Variants in BIRC6 observed in about 807,000 individuals in gnomAD.
The protein encoded by BIRC6 is baculoviral IAP repeat containing 6.
BIRC6 carries 98 observed loss-of-function variants against 503.3 expected under a neutral mutation model. The observed-to-expected ratio is 0.19, with a 90% confidence interval of 0.17 to 0.23. The LOEUF (loss-of-function observed/expected upper bound fraction) is 0.23, where lower values mean the gene tolerates loss of function less well. Ranked by LOEUF, BIRC6 falls within the 10% of genes least tolerant of loss-of-function variation. The pLI is 1.00. For missense variants in BIRC6, 5,360 were observed against 5,806.0 expected (o/e 0.92, Z 2.50); for synonymous variants, 2,240 against 2,078.7 (o/e 1.08, Z -2.11).
intron 1 of BIRC6, among the ~76,000 whole-genome samples, chr2:32,361,533 A>G (rs888453891): frequency 2.0e-5 from 3 of 152,176 alleles, no homozygotes; most frequent in Non-Finnish European, 4.4e-5. Context: ...ATCATCTCCC[A>G]AAGTGCATAG....
At chr2:32,378,975 T>A (rs1421930765) in intron 2 of BIRC6, 1 of 152,356 alleles carries the variant, frequency 6.6e-6, no homozygotes, top group East Asian at 1.9e-4. Context: ...TAAAAGATTA[T>A]GTTGTGTTCT....
intron 66 of BIRC6, among the ~76,000 whole-genome samples, chr2:32,582,867 T>C (rs1398550393): frequency 6.6e-6 from 1 of 152,102 alleles, no homozygotes; most frequent in East Asian, 1.9e-4. Flanking sequence ...TATTATAGAG[T>C]TTTCACTATT....
intron 65 of BIRC6, among the ~76,000 whole-genome samples, chr2:32,567,233 C>G (rs1573057088): frequency 6.6e-6 from 1 of 152,104 alleles, no homozygotes; most frequent in South Asian, 2.1e-4. Context: ...GCCTCCCACA[C>G]TGCTGGGATT....
rs199598287 is a variant in BIRC6 at position 32,401,655 on chromosome 2, G to A, written c.1418+32G>A. ...GAGTTTGTTTTAGTAGTATTTAATA[G>A]ATGTTACATGTTTTCCTAAATTTTA... On this transcript the variant is annotated intron_variant, in intron 8 of 73. Coordinates refer to ENST00000421745, the MANE Select transcript of BIRC6 (RefSeq NM_016252.4). 3.7e-5 allele frequency: 57 copies of A among 1,548,674 alleles called. No homozygotes were observed. The African/African-American group carries it at 6.4e-4, about 17-fold the overall frequency.
At chr2:32,596,980 T>C (rs939392206) in intron 68 of BIRC6, among the ~76,000 whole-genome samples, 2 of 152,226 alleles carry the variant, frequency 1.3e-5, no homozygotes, top group African/African-American at 4.8e-5. Flanking sequence ...TCTCTCATAC[T>C]ACATAAAATC....
At chr2:32,550,345 A>C (rs919086119) in intron 65 of BIRC6, among the ~76,000 whole-genome samples, 1 of 152,102 alleles carries the variant, frequency 6.6e-6, no homozygotes, top group Non-Finnish European at 1.5e-5. Context: ...ATTTCAAGGG[A>C]TTATTGCCCG....
Position 32,415,469 on chromosome 2 carries a change from A to G in BIRC6, c.2178A>G (p.Ala726=). 6.2e-7 allele frequency: 1 copy of G among 1,614,010 alleles called. No individual in the cohort carries two copies. The highest frequency in any genetic ancestry group is 8.5e-7 in the Non-Finnish European group (1 of 1,179,888). ...LVQCLRLPKF[A]EEENLCIDSI... is the part of the protein sequence containing the mutation. ...AGTGCTTGAGGCTGCCAAAGTTTGC[A>G]GAGGAGGAGAATCTTTGTATAGACT... Residue 726 remains alanine (A), a synonymous_variant, in exon 10 of 74, where the codon GCA becomes GCG. Transcript: ENST00000421745.
Position 32,414,956 on chromosome 2 carries a change from GCAC to G in BIRC6, c.1668_1670del (p.His556del). 1 of 1,613,932 alleles carries G rather than the reference GCAC, an allele frequency of 6.2e-7. No homozygotes were observed. On this transcript the variant is annotated inframe_deletion, in exon 10 of 74. Coordinates refer to ENST00000421745, the MANE Select transcript of BIRC6 (RefSeq NM_016252.4). ...CTAAGAGTGAAAAGACAAAGGAAAA[GCAC>G]CAGGAGCAACACAACATTCCTTTTC...
chr2:32,578,671 C>T (rs1380431024), intron 66 of BIRC6, among the ~76,000 whole-genome samples: 1 of 151,820 alleles, frequency 6.6e-6, no homozygotes, highest in East Asian at 1.9e-4. Context: ...TGGCACATAC[C>T]TGTAATCCCA....
At chr2:32,556,359 C>G (rs907156468) in intron 65 of BIRC6, among the ~76,000 whole-genome samples, 4 of 152,212 alleles carry the variant, frequency 2.6e-5, no homozygotes, top group Admixed American at 6.5e-5. Context: ...ATCTCAGACA[C>G]TTCAGGGATA....
chr2:32,468,289 G>T (rs993613738), intron 28 of BIRC6, 148 bp from the exon 29 acceptor site: 2 of 920,458 alleles, frequency 2.2e-6, no homozygotes. Context: ...ATTAATTAAT[G>T]GGCTCCATTT....
intron 21 of BIRC6, among the ~76,000 whole-genome samples, chr2:32,446,771 T>TTTTTTTG (rs1491460454): frequency 9.0e-6 from 1 of 110,672 alleles, no homozygotes; most frequent in African/African-American, 3.6e-5. Context: ...TTTTTTTTTT[T>TTTTTTTG]ATTGATCATT....
chr2:32,436,723 C>T lies in BIRC6; in HGVS notation c.3631+539C>T, dbSNP rs571366382. Among the ~76,000 whole-genome samples, 7 of 151,716 alleles carry T rather than the reference C, an allele frequency of 4.6e-5. No individual in the cohort carries two copies. In the East Asian group the frequency reaches 1.4e-3, roughly 30 times the overall value. On this transcript the variant is annotated intron_variant, in intron 15 of 73. Transcript: ENST00000421745. The stretch of plus-strand genomic sequence containing the variant: ...GCCTCCCAAGTAGCAGGGATTACGC[C>T]CAGATAATTTTTGTAGTTTTAGTAG...
In BIRC6 at chr2:32,441,367, C is replaced by G; in HGVS notation, c.3849C>G (p.Gly1283=). The G allele has an allele frequency of 1.3e-6, 2 of 1,597,124 alleles. No homozygotes were observed. The highest frequency in any genetic ancestry group is 1.7e-6 in the Non-Finnish European group (2 of 1,166,848). Residue 1283 remains glycine (G), a synonymous_variant, in exon 17 of 74, where the codon GGC becomes GGG. Coordinates refer to ENST00000421745, the MANE Select transcript of BIRC6 (RefSeq NM_016252.4). ...ATGTTAAGAATGAAAATACAAGTGG[C>G]ACCCGTAAATCTGAAAACCTCCGGG... ...SSNVKNENTS[G]TRKSENLRGC...
chr2:32,445,005 G>T (rs532717998), intron 20 of BIRC6, among the ~76,000 whole-genome samples: 1 of 152,330 alleles, frequency 6.6e-6, no homozygotes, highest in African/African-American at 2.4e-5. Context: ...ACACTGTCAT[G>T]ATAATCTTTT....
chr2:32,509,343 C>A (rs1446960303), intron 51 of BIRC6, among the ~76,000 whole-genome samples: 1 of 152,112 alleles, frequency 6.6e-6, no homozygotes, highest in Non-Finnish European at 1.5e-5. Context: ...CAACTTCTGC[C>A]TCCCGAGTTC....
At chr2:32,372,121 C>T (rs1431259083) in intron 1 of BIRC6, among the ~76,000 whole-genome samples, 1 of 152,102 alleles carries the variant, frequency 6.6e-6, no homozygotes, top group Non-Finnish European at 1.5e-5. Context: ...TTTTCCTTTA[C>T]AATATCATTT....
At chr2:32,613,874 G>C (rs2063058648) in intron 73 of BIRC6, among the ~76,000 whole-genome samples, 1 of 151,662 alleles carries the variant, frequency 6.6e-6, no homozygotes, top group Admixed American at 6.6e-5. Flanking sequence ...CTTACTTTTT[G>C]GCCTTCAGAA....
chr2:32,417,632 C>G (rs905494400), intron 10 of BIRC6, among the ~76,000 whole-genome samples: 3 of 152,128 alleles, frequency 2.0e-5, no homozygotes, highest in Non-Finnish European at 2.9e-5. Flanking sequence ...AGCAGAGTTA[C>G]GCATGCATCT....
Sources: allele counts gnomAD v4.1 joint callset (sites outside exome capture counted in the v4.1 genomes callset), GRCh38; gene constraint gnomAD v4.1.1; transcripts MANE v1.5; gene names NCBI Gene and HGNC (gene_info 2026-07-23, HGNC 2026-07-21).